RARB: variants seen among roughly 807,000 people sequenced by gnomAD.
The protein encoded by RARB is HBV-activated protein.
RARB carries 17 observed loss-of-function variants against 51.9 expected under a neutral mutation model. The observed-to-expected ratio is 0.33, with a 90% CI of 0.22 to 0.49. The LOEUF (loss-of-function observed/expected upper bound fraction) is 0.49, where lower values mean the gene tolerates loss of function less well. RARB is among the 20% of genes least tolerant of loss of function. The pLI is 0.99. For missense variants in RARB, 369 were observed against 550.8 expected (o/e 0.67, Z 3.30); for synonymous variants, 215 against 195.4 (o/e 1.10, Z -0.84).
At chr3:25,575,908 C>T (rs533357561) in intron 4 of RARB, among the ~76,000 whole-genome samples, 22 of 152,300 alleles carry the variant, frequency 1.4e-4, no homozygotes, top group South Asian at 1.0e-3. Context: ...CCTTTCCATG[C>T]TTGCCGCTCT....
intron 4 of RARB, among the ~76,000 whole-genome samples, chr3:25,157,998 T>G (rs1367427795): frequency 1.3e-5 from 2 of 152,254 alleles, no homozygotes; most frequent in Non-Finnish European, 2.9e-5. Flanking sequence ...TGTGGTTATC[T>G]TGACTTCAAA....
At chr3:24,982,736 A>C (rs1696704586) in intron 2 of RARB, among the ~76,000 whole-genome samples, 1 of 152,126 alleles carries the variant, frequency 6.6e-6, no homozygotes, top group South Asian at 2.1e-4. Context: ...AGTGGCTCCT[A>C]ATAATAGTTA....
At chr3:25,543,211 C>T (rs1228719792) in intron 3 of RARB, among the ~76,000 whole-genome samples, 2 of 152,030 alleles carry the variant, frequency 1.3e-5, no homozygotes, top group African/African-American at 4.8e-5. Flanking sequence ...TTTGGGACCA[C>T]CTAAAGTATC....
intron 5 of RARB, among the ~76,000 whole-genome samples, chr3:25,584,915 C>G (rs939334841): frequency 6.6e-6 from 1 of 152,094 alleles, no homozygotes; most frequent in Non-Finnish European, 1.5e-5. Context: ...CTGGCCTGCC[C>G]CTACTTTTGC....
intron 2 of RARB, among the ~76,000 whole-genome samples, chr3:24,983,658 T>C (rs1470324043): frequency 3.3e-5 from 5 of 152,154 alleles, no homozygotes. Context: ...TGTTGCTTTT[T>C]TGAATTATGT....
rs1249186065 is a variant in RARB at position 25,596,549 on chromosome 3, A to G, written c.1280A>G (p.His427Arg). The G allele has an allele frequency of 1.2e-6, 2 of 1,613,864 alleles. No individual in the cohort carries two copies. The highest frequency in any genetic ancestry group is 1.7e-6 in the Non-Finnish European group (2 of 1,179,848). ...TPSSSGNTAE[H>R]SPSISPSSVE... ...AGTTCAAGTGGGAACACAGCAGAGCACAGTCCTAGCATCTCACCCAGCTCA... is the reference window on the plus strand; with the variant it reads ...AGTTCAAGTGGGAACACAGCAGAGCGCAGTCCTAGCATCTCACCCAGCTCA... Residue 427 changes from histidine to arginine, a missense_variant, in exon 8 of 8, where the codon CAC becomes CGC. His to Arg is a conservative substitution (Grantham distance 29). This residue lies in a region of RARB where 54 missense variants were observed against 43.4 expected (regional missense o/e 1.24). Coordinates refer to ENST00000330688, the MANE Select transcript of RARB (RefSeq NM_000965.5).
intron 2 of RARB, among the ~76,000 whole-genome samples, chr3:24,886,908 G>A (rs114646344): frequency 2.6e-5 from 4 of 152,168 alleles, no homozygotes; most frequent in African/African-American, 9.7e-5. Context: ...TCTACAAAAC[G>A]TTTTGAATTG....
chr3:25,047,655 A>G (rs757466472), intron 2 of RARB, among the ~76,000 whole-genome samples: 3 of 152,218 alleles, frequency 2.0e-5, no homozygotes, highest in Non-Finnish European at 2.9e-5. Context: ...CAATCACTCA[A>G]TACAGTAGGT....
intron 5 of RARB, among the ~76,000 whole-genome samples, chr3:25,258,040 G>A (rs1702909250): frequency 6.6e-6 from 1 of 152,056 alleles, no homozygotes; most frequent in Non-Finnish European, 1.5e-5. Context: ...ATGAAGTTAG[G>A]AATCCTGACT....
chr3:25,468,953 C>T (rs1314688954), intron 2 of RARB, among the ~76,000 whole-genome samples: 1 of 152,230 alleles, frequency 6.6e-6, no homozygotes, highest in East Asian at 1.9e-4. Context: ...CTGGCACAGC[C>T]GTGATGGCGT....
intron 2 of RARB, among the ~76,000 whole-genome samples, chr3:24,985,608 A>T (rs1028870737): frequency 3.9e-5 from 6 of 152,236 alleles, no homozygotes; most frequent in African/African-American, 1.2e-4. Flanking sequence ...GAACCTCCAG[A>T]TTGGCAAAGT....
At chr3:25,377,396 A>T (rs1023876143) in intron 5 of RARB, among the ~76,000 whole-genome samples, 21 of 152,208 alleles carry the variant, frequency 1.4e-4, no homozygotes, top group African/African-American at 5.1e-4. Context: ...CAGGTCTAAT[A>T]AACAGTCCTA....
intron 5 of RARB, among the ~76,000 whole-genome samples, chr3:25,354,346 A>G (rs1300922132): frequency 6.6e-6 from 1 of 152,130 alleles, no homozygotes; most frequent in Non-Finnish European, 1.5e-5. Context: ...ATGCTAAATC[A>G]GGTTATGATT....
Position 25,236,999 on chromosome 3 carries a change from C to G in RARB, c.178+62424C>G, listed in dbSNP as rs138014168. 6.5e-3 allele frequency among the ~76,000 whole-genome samples: 856 copies of G among 131,182 alleles called. 11 individuals carry two copies. Among genetic ancestry groups the G allele is most frequent in the African/African-American group, 0.024 (824 of 34,560 alleles). 86.1% of individuals were successfully genotyped at this position (131,182 alleles called of 152,430 possible). A position where few individuals can be genotyped will look rare whatever the true frequency, so the allele number is the denominator to read the frequency against. On this transcript the variant is annotated intron_variant, in intron 5 of 11. Coordinates refer to the RARB transcript ENST00000383772. ...ACTCTAAACACAAGTTGTTGGTCTT[C>G]CAGAACTGAGTCAGTCAACTGTGCA... is the stretch of plus-strand genomic sequence containing the variant.
At chr3:25,338,755 C>T (rs1177243774) in intron 5 of RARB, among the ~76,000 whole-genome samples, 5 of 152,296 alleles carry the variant, frequency 3.3e-5, no homozygotes, top group Non-Finnish European at 5.9e-5. Flanking sequence ...TGACATTCAT[C>T]AGTTTGCACT....
At chr3:25,346,172 T>C (rs1705387563) in intron 5 of RARB, among the ~76,000 whole-genome samples, 1 of 152,232 alleles carries the variant, frequency 6.6e-6, no homozygotes, top group African/African-American at 2.4e-5. Flanking sequence ...CCTTTTCCGT[T>C]TATTTTTAAT....
chr3:24,956,848 G>A (rs148552982), intron 2 of RARB, among the ~76,000 whole-genome samples: 2 of 152,200 alleles, frequency 1.3e-5, no homozygotes, highest in Non-Finnish European at 2.9e-5. Flanking sequence ...TTATTGGAAA[G>A]TTCCTTGGGT....
Position 25,500,454 on chromosome 3 carries a change from GTTTTTTT to G in RARB, c.307-707_307-701del, listed in dbSNP as rs753321842. 3.2e-3 allele frequency among the ~76,000 whole-genome samples: 209 copies of G among 66,124 alleles called. 1 individual carries two copies. The highest frequency in any genetic ancestry group is 0.01 in the Middle Eastern group (1 of 100). 43.4% of individuals were successfully genotyped at this position (66,124 alleles called of 152,430 possible). A position where few individuals can be genotyped will look rare whatever the true frequency, so the allele number is the denominator to read the frequency against. ...ATAATTTCTTTTTCTTTCTTTTCTT[GTTTTTTT>G]TTTTTTTTTTTTTTTTTTTTGGTTG... On this transcript the variant is annotated intron_variant, in intron 2 of 7. Coordinates refer to ENST00000330688, the MANE Select transcript of RARB (RefSeq NM_000965.5).
chr3:24,979,175 T>A (rs903010279), intron 2 of RARB, among the ~76,000 whole-genome samples: 1 of 152,232 alleles, frequency 6.6e-6, no homozygotes, highest in Non-Finnish European at 1.5e-5. Flanking sequence ...CTTCCAATTA[T>A]GTAGTCAATT....
Sources: allele counts gnomAD v4.1 joint callset (sites outside exome capture counted in the v4.1 genomes callset), GRCh38; gene constraint gnomAD v4.1.1; regional missense constraint gnomAD v4.1.1; transcripts MANE v1.5; gene names NCBI Gene and HGNC (gene_info 2026-07-23, HGNC 2026-07-21).